Variants in GRID2 observed in about 807,000 individuals in gnomAD.
GRID2 encodes the protein glutamate ionotropic receptor delta type subunit 2.
GRID2 carries 33 observed loss-of-function variants against 114.8 expected under a neutral mutation model. That is an observed-to-expected ratio of 0.29 (90% CI 0.22 to 0.38). The LOEUF (loss-of-function observed/expected upper bound fraction) is 0.38. Among genes scored for constraint, GRID2 ranks in the 10% least tolerant of loss-of-function variants. The pLI, the probability that GRID2 is intolerant of heterozygous loss-of-function variation, is 1.00. For missense variants in GRID2, 1,184 were observed against 1,257.7 expected (o/e 0.94, Z 0.89); for synonymous variants, 505 against 449.9 (o/e 1.12, Z -1.55).
chr4:93,198,841 C>T (rs1466779517), intron 4 of GRID2, among the ~76,000 whole-genome samples: 1 of 151,998 alleles, frequency 6.6e-6, no homozygotes, highest in African/African-American at 2.4e-5. Context: ...TTTATTTTTT[C>T]TTTATTGGCT....
intron 13 of GRID2, among the ~76,000 whole-genome samples, chr4:93,550,773 C>T (rs1733680358): frequency 6.6e-6 from 1 of 152,132 alleles, no homozygotes; most frequent in Non-Finnish European, 1.5e-5. Flanking sequence ...TTTACCAGCA[C>T]AGAATAGTAA....
chr4:93,021,758 T>C (rs946066166), intron 2 of GRID2, among the ~76,000 whole-genome samples: 1 of 146,096 alleles, frequency 6.8e-6, no homozygotes, highest in Non-Finnish European at 1.5e-5. Context: ...ATTTATAATA[T>C]GAATATTATA....
intron 2 of GRID2, among the ~76,000 whole-genome samples, chr4:92,806,863 T>C (rs1740440123): frequency 1.3e-5 from 2 of 151,836 alleles, no homozygotes; most frequent in Non-Finnish European, 2.9e-5. Flanking sequence ...ATATAATATT[T>C]AGATAGGCAG....
In GRID2 at chr4:92,774,204, A is replaced by G. The variant is rs528494531; in HGVS notation, c.244+183918A>G. Among the ~76,000 whole-genome samples, 4 of 152,270 alleles carry G rather than the reference A, an allele frequency of 2.6e-5. 1 individual carries two copies. The South Asian group carries it at 8.3e-4, about 32-fold the overall frequency. On this transcript the variant is annotated intron_variant, in intron 2 of 15. Coordinates refer to ENST00000282020, the MANE Select transcript of GRID2 (RefSeq NM_001510.4). ...AGAGTGAAGGATAAGCAGGAGTTAG[A>G]CAGGAAAAGTAGGGACAGGGGTGAG...
chr4:92,384,619 T>TATTATA (rs1729837421), intron 1 of GRID2, among the ~76,000 whole-genome samples: 1 of 55,070 alleles, frequency 1.8e-5, no homozygotes, highest in African/African-American at 6.3e-5. Context: ...ATATATGTTA[T>TATTATA]ATATTATATA....
At chr4:92,525,080 T>C (rs2149143642) in intron 1 of GRID2, among the ~76,000 whole-genome samples, 1 of 152,040 alleles carries the variant, frequency 6.6e-6, no homozygotes, top group Non-Finnish European at 1.5e-5. Context: ...CCAGACTCAT[T>C]TGCAAAAGAA....
chr4:92,939,132 A>AC, intron 2 of GRID2, among the ~76,000 whole-genome samples: 1 of 147,530 alleles, frequency 6.8e-6, no homozygotes, highest in East Asian at 2.2e-4. Flanking sequence ...TCCATGAGGA[A>AC]CTGCTACACT....
chr4:93,780,422 C>A (rs1345329677), intron 1 of GRID2, among the ~76,000 whole-genome samples: 1 of 152,160 alleles, frequency 6.6e-6, no homozygotes, highest in Non-Finnish European at 1.5e-5. Context: ...TAAGAGGTAA[C>A]AAATGGCTCA....
At chr4:93,035,105 CTTTT>C (rs1409804820) in intron 2 of GRID2, among the ~76,000 whole-genome samples, 1 of 136,278 alleles carries the variant, frequency 7.3e-6, no homozygotes, top group East Asian at 2.1e-4. Flanking sequence ...TCACTGTCTG[CTTTT>C]TTTTTTTTTT....
intron 4 of GRID2, among the ~76,000 whole-genome samples, chr4:93,178,380 ATTTTTTTTTTTTTTTT>A (rs11428288): frequency 1.2e-4 from 6 of 50,332 alleles, no homozygotes; most frequent in South Asian, 1.5e-3. Flanking sequence ...TTGAAAATAG[ATTTTTTTTTTTTTTTT>A]TTTTTTTTTT....
chr4:93,287,038 C>A (rs569984303), intron 8 of GRID2, among the ~76,000 whole-genome samples: 1 of 151,882 alleles, frequency 6.6e-6, no homozygotes, highest in Admixed American at 6.6e-5. Flanking sequence ...TGATACCCAG[C>A]GTTATCCTTC....
At chr4:93,463,654 AT>A (rs1338593676) in intron 11 of GRID2, among the ~76,000 whole-genome samples, 1 of 152,212 alleles carries the variant, frequency 6.6e-6, no homozygotes, top group Non-Finnish European at 1.5e-5. Flanking sequence ...TTGAAGGGTG[AT>A]TTTGAGAAAA....
rs146329464 is a variant in GRID2, at chr4:93,098,372, T to C, written c.530-12376T>C. Among the ~76,000 whole-genome samples, 3 of 152,018 alleles carry C rather than the reference T, an allele frequency of 2.0e-5. No individual in the cohort carries two copies. The East Asian group carries it at 5.8e-4, about 29-fold the overall frequency. ...ATTGAAAGAGGCTCATTAAAGGCAA[T>C]TGGCAGTCGTTCCAGGCAGACTCAC... On this transcript the variant is annotated intron_variant, in intron 3 of 15. Coordinates refer to ENST00000282020, the MANE Select transcript of GRID2 (RefSeq NM_001510.4).
chr4:92,554,489 G>A (rs1420885647), intron 1 of GRID2, among the ~76,000 whole-genome samples: 1 of 152,012 alleles, frequency 6.6e-6, no homozygotes, highest in African/African-American at 2.4e-5. Flanking sequence ...TCTCATTTCA[G>A]AAAGTTTATG....
intron 2 of GRID2, among the ~76,000 whole-genome samples, chr4:92,965,090 G>C (rs1441422843): frequency 6.6e-6 from 1 of 151,776 alleles, no homozygotes; most frequent in Admixed American, 6.6e-5. Context: ...CCTTTCACTT[G>C]AGCATGTAGA....
chr4:93,233,324 T>A (rs1233266930), intron 7 of GRID2, among the ~76,000 whole-genome samples: 1 of 96,722 alleles, frequency 1.0e-5, no homozygotes, highest in Non-Finnish European at 2.2e-5. Context: ...ATTATTATTA[T>A]TATTATTATT....
At chr4:93,440,905 A>G (rs901206147) in intron 10 of GRID2, among the ~76,000 whole-genome samples, 7 of 152,122 alleles carry the variant, frequency 4.6e-5, no homozygotes, top group African/African-American at 1.7e-4. Flanking sequence ...GTGGTGAATA[A>G]TAAGTCTTGA....
intron 1 of GRID2, among the ~76,000 whole-genome samples, chr4:92,379,571 G>A (rs1003311255): frequency 6.6e-6 from 1 of 151,870 alleles, no homozygotes; most frequent in South Asian, 2.1e-4. Context: ...ATATGGCGGG[G>A]TTGAACAGTA....
At chr4:93,299,674 C>A (rs1168189311) in intron 8 of GRID2, among the ~76,000 whole-genome samples, 1 of 151,940 alleles carries the variant, frequency 6.6e-6, no homozygotes, top group Non-Finnish European at 1.5e-5. Flanking sequence ...ACGTTGTCCA[C>A]ATGTACCCTA....
Sources: allele counts gnomAD v4.1 joint callset (sites outside exome capture counted in the v4.1 genomes callset), GRCh38; gene constraint gnomAD v4.1.1; transcripts MANE v1.5; gene names NCBI Gene and HGNC (gene_info 2026-07-23, HGNC 2026-07-21).